Variants in LARP1 observed in about 807,000 individuals in gnomAD.
The protein encoded by LARP1 is la-related protein 1.
Under a neutral mutation model 122.7 loss-of-function variants are expected in LARP1, and 36 were observed. That is an observed-to-expected ratio of 0.29 (90% confidence interval 0.22 to 0.39). LARP1 has a LOEUF of 0.39. Among genes scored for constraint, LARP1 ranks in the 10% least tolerant of loss-of-function variants. LARP1 has a pLI of 1.00. For synonymous variants in LARP1, 539 were observed against 528.7 expected, an observed-to-expected ratio of 1.02 and a Z score of -0.27; for missense variants, 1,040 against 1,403.6, an observed-to-expected ratio of 0.74 and a Z score of 4.14.
chr5:154,715,886 C>G (rs887280271), intron 1 of LARP1, among the ~76,000 whole-genome samples: 3 of 152,136 alleles, frequency 2.0e-5, no homozygotes, highest in Non-Finnish European at 4.4e-5. Context: ...CCTTATTTAT[C>G]CTCACAGTAG....
At chr5:154,704,753 A>G (rs1257532855) in intron 1 of LARP1, among the ~76,000 whole-genome samples, 1 of 152,062 alleles carries the variant, frequency 6.6e-6, no homozygotes, top group Non-Finnish European at 1.5e-5. Flanking sequence ...ATTCGAAAAA[A>G]GAGCTACTAT....
intron 1 of LARP1, among the ~76,000 whole-genome samples, chr5:154,764,676 G>A (rs760252939): frequency 2.6e-5 from 4 of 150,954 alleles, no homozygotes; most frequent in South Asian, 2.1e-4. Flanking sequence ...AGGCCGAGGC[G>A]GGAGGGTCAG....
intron 1 of LARP1, among the ~76,000 whole-genome samples, chr5:154,702,839 G>T (rs1210904291): frequency 2.6e-5 from 4 of 151,830 alleles, no homozygotes; most frequent in Non-Finnish European, 5.9e-5. Context: ...CACTGGTTGT[G>T]CTGGGCGAGA....
intron 1 of LARP1, among the ~76,000 whole-genome samples, chr5:154,702,739 G>T (rs1007118945): frequency 4.6e-5 from 7 of 152,100 alleles, no homozygotes; most frequent in African/African-American, 1.7e-4. Flanking sequence ...ACTCTGTGAA[G>T]TAGGTTACAC....
upstream of LARP1, among the ~76,000 whole-genome samples, chr5:154,712,381 A>G (rs1263869758): frequency 2.6e-5 from 4 of 151,962 alleles, no homozygotes; most frequent in Non-Finnish European, 4.4e-5. Context: ...AAAGCAGGAG[A>G]CTCGGGTTTG....
chr5:154,722,591 C>T (rs1755940332), intron 1 of LARP1, among the ~76,000 whole-genome samples: 1 of 151,686 alleles, frequency 6.6e-6, no homozygotes. Context: ...TCACCAGGAA[C>T]AGGATATAGC....
chr5:154,695,513 T>G (rs577725914), intron 1 of LARP1, among the ~76,000 whole-genome samples: 15 of 151,138 alleles, frequency 9.9e-5, no homozygotes, highest in Admixed American at 9.2e-4. Context: ...AAAAATCAGC[T>G]GGGCATGGTG....
intron 7 of LARP1, among the ~76,000 whole-genome samples, chr5:154,794,630 C>T (rs1757603273): frequency 6.6e-6 from 1 of 152,148 alleles, no homozygotes; most frequent in South Asian, 2.1e-4. Context: ...TATCTTAGTC[C>T]TGCAGTTCTT....
At chr5:154,760,040 A>T (rs992453110) in intron 1 of LARP1, among the ~76,000 whole-genome samples, 3 of 152,042 alleles carry the variant, frequency 2.0e-5, no homozygotes, top group Admixed American at 1.3e-4. Context: ...CCCGGGTTCA[A>T]GCGATTCTCC....
In LARP1 at chr5:154,799,800, G is replaced by C. The variant is rs1758191975; in HGVS notation, c.1546+41G>C. 3 of 1,612,098 alleles carry C rather than the reference G, an allele frequency of 1.9e-6. No individual in the cohort carries two copies. In the East Asian group the frequency reaches 6.7e-5, roughly 36 times the overall value. Reference sequence around the variant, plus strand: ...CATGAAGATTGCCCTTGTCCTCTGGGCAACAGTCCTCCTCAGGGCTGGCAT... The same window carrying C: ...CATGAAGATTGCCCTTGTCCTCTGGCCAACAGTCCTCCTCAGGGCTGGCAT... On this transcript the variant is annotated intron_variant, in intron 9 of 18. Transcript: ENST00000518297.
Position 154,790,605 on chromosome 5 carries a change from GGGTCAC to G in LARP1, c.499-39_499-34del, listed in dbSNP as rs1207377935. 6 of 1,607,692 alleles carry G rather than the reference GGGTCAC, an allele frequency of 3.7e-6. No homozygotes were observed. The East Asian group carries it at 1.3e-4, about 36-fold the overall frequency. On this transcript the variant is annotated intron_variant, in intron 2 of 18. Coordinates refer to ENST00000518297, the MANE Select transcript of LARP1 (RefSeq NM_033551.3). ...GGTCGGGGGCTGAATAGCAAAGACA[GGGTCAC>G]TCCTGGGGCCCTCATAGTGTATGTT... is the stretch of plus-strand genomic sequence containing the variant.
At chr5:154,756,986 GC>G (rs1333998633) in intron 1 of LARP1, among the ~76,000 whole-genome samples, 3 of 149,582 alleles carry the variant, frequency 2.0e-5, no homozygotes, top group African/African-American at 7.3e-5. Flanking sequence ...GCCTGGGCGG[GC>G]GGGTGACAGT....
chr5:154,709,245 G>C (rs562056627), upstream of LARP1, among the ~76,000 whole-genome samples: 1 of 152,326 alleles, frequency 6.6e-6, no homozygotes, highest in South Asian at 2.1e-4. Context: ...TAAGAATGAT[G>C]CTCTCAGTGC....
chr5:154,727,058 T>A (rs1756264613), intron 1 of LARP1, among the ~76,000 whole-genome samples: 1 of 151,998 alleles, frequency 6.6e-6, no homozygotes, highest in South Asian at 2.1e-4. Flanking sequence ...CCAAACCATA[T>A]CAAAAGTATT....
chr5:154,737,215 A>G (rs1756948375), intron 1 of LARP1, among the ~76,000 whole-genome samples: 1 of 151,142 alleles, frequency 6.6e-6, no homozygotes. Context: ...TAATTTTTGT[A>G]TTTTTAGTAG....
intron 1 of LARP1, among the ~76,000 whole-genome samples, chr5:154,773,589 G>A (rs758371253): frequency 1.6e-4 from 25 of 152,350 alleles, no homozygotes; most frequent in Admixed American, 3.9e-4. Flanking sequence ...ACTTAACCGA[G>A]CTGCCACGCA....
At position 154,802,796 on chromosome 5, in the gene LARP1, T is replaced by G. The variant is rs1758452313; in HGVS notation, c.2109+397T>G. 6.6e-6 allele frequency among the ~76,000 whole-genome samples: 1 copy of G among 152,238 alleles called. No individual in the cohort carries two copies. Among genetic ancestry groups the G allele is most frequent in the South Asian group, 2.1e-4 (1 of 4,834 alleles). On this transcript the variant is annotated intron_variant, in intron 11 of 18. Transcript: ENST00000518297. This position sits in a 1 kb window ranked among gnomAD's most constrained non-coding sequence, Gnocchi z 5.1. Reference sequence around the variant, plus strand: ...ATGGAAAATGGAGAAAAGATAAGTCTTTTGAAAAATTGCTGCTGCCTGGAA... The same window carrying G: ...ATGGAAAATGGAGAAAAGATAAGTCGTTTGAAAAATTGCTGCTGCCTGGAA...
intron 1 of LARP1, among the ~76,000 whole-genome samples, chr5:154,787,845 G>T (rs1421563606): frequency 1.3e-5 from 2 of 152,174 alleles, no homozygotes; most frequent in African/African-American, 4.8e-5. Context: ...TGGGATTGGT[G>T]GCAGACTAGG....
In LARP1 at chr5:154,701,089, G is replaced by A. The variant is rs531356630; in HGVS notation, c.-180+18052G>A. On this transcript the variant is annotated intron_variant, in intron 1 of 18. Transcript: ENST00000687700. ...CTCCCAAAGTGTTGGGATTACAGTTGTGAGCCACTGTGCTCGCTCTGAGTT... is the reference window on the plus strand; with the variant it reads ...CTCCCAAAGTGTTGGGATTACAGTTATGAGCCACTGTGCTCGCTCTGAGTT... 1.3e-3 allele frequency among the ~76,000 whole-genome samples: 205 copies of A among 152,304 alleles called. 1 individual carries two copies. Among genetic ancestry groups the A allele is most frequent in the African/African-American group, 4.6e-3 (191 of 41,558 alleles).
Sources: gnomAD v4.1 joint callset for allele counts (sites outside exome capture counted in the v4.1 genomes callset) on GRCh38, gnomAD v4.1.1 for gene constraint, Gnocchi (gnomAD v3.1) non-coding constraint, MANE v1.5 for transcripts, NCBI Gene and HGNC (gene_info 2026-07-23, HGNC 2026-07-21) for gene names.